XKR9: variants seen among roughly 807,000 people sequenced by gnomAD.
XKR9 encodes XK-related protein 9.
A neutral mutation model predicts 32.0 loss-of-function variants in XKR9; 32 were observed. The observed-to-expected ratio is 1.00, with a 90% CI of 0.76 to 1.34. The LOEUF (loss-of-function observed/expected upper bound fraction) is 1.34, where lower values mean the gene tolerates loss of function less well. XKR9 is among the 40% of genes most tolerant of loss of function. The probability of loss-of-function intolerance (pLI) is 0.00; values close to 1 mark genes in which losing one functional copy is unlikely to be tolerated. For missense variants in XKR9, 546 were observed against 429.7 expected, an observed-to-expected ratio of 1.27 and a Z score of -2.39; for synonymous variants, 168 against 143.4, an observed-to-expected ratio of 1.17 and a Z score of -1.22.
chr8:71,027,076 A>G, the XKR9 span, among the ~76,000 whole-genome samples: 1 of 152,162 alleles, frequency 6.6e-6, no homozygotes, highest in Non-Finnish European at 1.5e-5. Flanking sequence ...GCATAAAGTT[A>G]TTAGAATTAT....
At chr8:70,698,592 G>C (rs1805383730) in intron 3 of XKR9, among the ~76,000 whole-genome samples, 1 of 152,138 alleles carries the variant, frequency 6.6e-6, no homozygotes, top group Admixed American at 6.5e-5. Flanking sequence ...GCTGAGGAGA[G>C]CTTTACTTCC....
chr8:70,794,865 T>G (rs537648751), downstream of XKR9, among the ~76,000 whole-genome samples: 14 of 144,984 alleles, frequency 9.7e-5, no homozygotes, highest in Admixed American at 1.3e-4. Flanking sequence ...TTTGTCTAAT[T>G]TTGTTATCAG....
the XKR9 span, among the ~76,000 whole-genome samples, chr8:70,988,241 A>G: frequency 5.9e-4 from 89 of 152,092 alleles, no homozygotes; most frequent in Non-Finnish European, 1.1e-3. Context: ...ATCATATCAG[A>G]CTTCCTTTTT....
intron 4 of XKR9, among the ~76,000 whole-genome samples, chr8:70,715,006 T>A (rs977588282): frequency 2.6e-5 from 4 of 152,102 alleles, no homozygotes; most frequent in African/African-American, 9.7e-5. Context: ...AAAAAATATG[T>A]TAGAAGCAGG....
chr8:71,045,522 C>A, the XKR9 span, among the ~76,000 whole-genome samples: 1 of 152,170 alleles, frequency 6.6e-6, no homozygotes, highest in Admixed American at 6.5e-5. Flanking sequence ...TTTTCACTTT[C>A]TTAGTAAAAT....
chr8:70,772,515 A>G (rs1377691749), intron 2 of XKR9, among the ~76,000 whole-genome samples: 3 of 152,164 alleles, frequency 2.0e-5, no homozygotes, highest in African/African-American at 7.2e-5. Context: ...ACACCATGAA[A>G]TGCCTTGGTT....
At chr8:70,860,817 T>G in the XKR9 span, among the ~76,000 whole-genome samples, 2 of 152,078 alleles carry the variant, frequency 1.3e-5, no homozygotes, top group African/African-American at 2.4e-5. Context: ...TTGTGTGACC[T>G]GTGCAAATTG....
At chr8:71,034,676 G>A in the XKR9 span, among the ~76,000 whole-genome samples, 2 of 151,964 alleles carry the variant, frequency 1.3e-5, no homozygotes, top group African/African-American at 4.8e-5. Context: ...TGTGAGTGGA[G>A]GAGCCTCTAA....
chr8:70,720,253 A>G (rs938537535), intron 4 of XKR9, among the ~76,000 whole-genome samples: 2 of 152,110 alleles, frequency 1.3e-5, no homozygotes, highest in African/African-American at 2.4e-5. Flanking sequence ...AACAGAGACA[A>G]TTTGACTTCC....
the XKR9 span, among the ~76,000 whole-genome samples, chr8:70,988,537 G>A: frequency 2.6e-5 from 4 of 152,034 alleles, no homozygotes; most frequent in Non-Finnish European, 4.4e-5. Flanking sequence ...AGATTGCCAC[G>A]ATACATGCCA....
the XKR9 span, among the ~76,000 whole-genome samples, chr8:70,975,329 T>C: frequency 3.9e-5 from 6 of 152,252 alleles, no homozygotes; most frequent in African/African-American, 1.2e-4. Context: ...GCCTATGTCC[T>C]GAATGGTATT....
the XKR9 span, among the ~76,000 whole-genome samples, chr8:70,816,208 A>C: frequency 6.6e-5 from 10 of 152,284 alleles, no homozygotes; most frequent in African/African-American, 2.2e-4. Context: ...GCACCCAACT[A>C]ATCTTTGACG....
At chr8:70,684,246 C>T (rs530290661) in intron 3 of XKR9, among the ~76,000 whole-genome samples, 14 of 152,038 alleles carry the variant, frequency 9.2e-5, no homozygotes, top group African/African-American at 1.4e-4. Flanking sequence ...ATTTTCTTTA[C>T]TATATTTAGT....
At chr8:70,845,681 G>A in the XKR9 span, among the ~76,000 whole-genome samples, 3 of 152,022 alleles carry the variant, frequency 2.0e-5, no homozygotes, top group African/African-American at 7.2e-5. Context: ...ATAGACTAGA[G>A]CAAACAGAAG....
Position 70,756,872 on chromosome 8 carries a change from A to G in XKR9, n.353-32467A>G, listed in dbSNP as rs566733508. Among the ~76,000 whole-genome samples, 8 of 152,216 alleles carry G rather than the reference A, an allele frequency of 5.3e-5. No individual in the cohort carries two copies. The South Asian group carries it at 1.7e-3, about 32-fold the overall frequency. On this transcript the variant is annotated intron_variant and non_coding_transcript_variant, in intron 2 of 3. Transcript: ENST00000520273. ...TGTTTAATGCCATGGCTAGATCCTC[A>G]GTATAAGGTCAAATAGAAGTGTTGA...
the XKR9 span, among the ~76,000 whole-genome samples, chr8:70,856,849 T>A: frequency 9.0e-3 from 1,374 of 152,244 alleles, 21 homozygotes; most frequent in Middle Eastern, 0.01. Context: ...ACATGGAAAC[T>A]GGACAACATG....
At chr8:70,841,107 C>T in the XKR9 span, among the ~76,000 whole-genome samples, 5 of 152,006 alleles carry the variant, frequency 3.3e-5, no homozygotes, top group South Asian at 1.0e-3. Flanking sequence ...ATAATGACCT[C>T]AGATTTTTTT....
intron 3 of XKR9, among the ~76,000 whole-genome samples, chr8:70,693,923 G>T (rs533806762): frequency 1.3e-5 from 2 of 152,306 alleles, no homozygotes; most frequent in East Asian, 3.9e-4. Context: ...GCCCCCAGAG[G>T]CTCTGTCTAT....
chr8:70,907,720 A>G, the XKR9 span, among the ~76,000 whole-genome samples: 3 of 152,234 alleles, frequency 2.0e-5, no homozygotes, highest in South Asian at 6.2e-4. Context: ...TTGCTTAAAC[A>G]TGACCTCTAA....
Sources: allele counts gnomAD v4.1 joint callset (sites outside exome capture counted in the v4.1 genomes callset), GRCh38; gene constraint gnomAD v4.1.1; transcripts MANE v1.5; gene names NCBI Gene and HGNC (gene_info 2026-07-23, HGNC 2026-07-21).